The following MLLT3 variants were observed in gnomAD, a reference collection of about 807,000 sequenced individuals.
The protein encoded by MLLT3 is MLLT3 super elongation complex subunit.
MLLT3 carries 4 observed loss-of-function variants against 53.2 expected under a neutral mutation model. The observed-to-expected ratio is 0.08, with a 90% CI of 0.04 to 0.17. The LOEUF (loss-of-function observed/expected upper bound fraction) is 0.17. Among genes scored for constraint, MLLT3 ranks in the 10% least tolerant of loss-of-function variants. MLLT3 has a pLI of 1.00. For missense variants in MLLT3, 569 were observed against 684.0 expected (o/e 0.83, Z 1.87); for synonymous variants, 283 against 230.6 (o/e 1.23, Z -2.06).
chr9:20,487,074 A>G (rs1241235215), intron 2 of MLLT3, among the ~76,000 whole-genome samples: 1 of 152,168 alleles, frequency 6.6e-6, no homozygotes, highest in Non-Finnish European at 1.5e-5. Context: ...TCAATTATTT[A>G]TCCATGTATT....
chr9:20,527,911 C>T (rs1818242333), intron 2 of MLLT3, among the ~76,000 whole-genome samples: 1 of 152,158 alleles, frequency 6.6e-6, no homozygotes, highest in South Asian at 2.1e-4. Flanking sequence ...ACATTTATTA[C>T]ACGGTATCCT....
intron 2 of MLLT3, among the ~76,000 whole-genome samples, chr9:20,547,576 G>T (rs922976621): frequency 1.3e-5 from 2 of 150,920 alleles, no homozygotes; most frequent in Non-Finnish European, 2.9e-5. Flanking sequence ...CCTGGGAGGC[G>T]GAGGTTGCAG....
intron 2 of MLLT3, among the ~76,000 whole-genome samples, chr9:20,602,761 T>TAGATACAC (rs369340965): frequency 1.4e-5 from 2 of 147,184 alleles, no homozygotes; most frequent in Non-Finnish European, 3.0e-5. Flanking sequence ...TTAAGTTTGA[T>TAGATACAC]ACACACACAC....
intron 10 of MLLT3, among the ~76,000 whole-genome samples, chr9:20,347,009 C>T (rs1358845737): frequency 6.7e-6 from 1 of 148,992 alleles, no homozygotes; most frequent in Non-Finnish European, 1.5e-5. Context: ...CACACACACC[C>T]CTATATAAAA....
chr9:20,595,884 G>C (rs1820248903), intron 2 of MLLT3, among the ~76,000 whole-genome samples: 1 of 152,140 alleles, frequency 6.6e-6, no homozygotes, highest in African/African-American at 2.4e-5. Flanking sequence ...TCTCTACCTA[G>C]CTCTGTCCAA....
chr9:20,614,456 G>A (rs1238260278), intron 2 of MLLT3, among the ~76,000 whole-genome samples: 4 of 151,716 alleles, frequency 2.6e-5, no homozygotes, highest in Non-Finnish European at 4.4e-5. Context: ...AGGCAGGCAC[G>A]CACATAGTAG....
intron 2 of MLLT3, among the ~76,000 whole-genome samples, chr9:20,475,915 T>A (rs1385999780): frequency 1.3e-5 from 2 of 152,174 alleles, no homozygotes; most frequent in Non-Finnish European, 2.9e-5. Flanking sequence ...ATTGTCCTAC[T>A]GAAACAAACT....
chr9:20,440,377 T>G (rs150748910), intron 4 of MLLT3, among the ~76,000 whole-genome samples: 268 of 152,328 alleles, frequency 1.8e-3, no homozygotes, highest in African/African-American at 4.4e-3. Flanking sequence ...CTCAGACATT[T>G]GTTTCTTAAA....
At chr9:20,541,327 T>C (rs1397166448) in intron 2 of MLLT3, among the ~76,000 whole-genome samples, 1 of 152,220 alleles carries the variant, frequency 6.6e-6, no homozygotes, top group Non-Finnish European at 1.5e-5. Flanking sequence ...CAGGTATCTT[T>C]ACAGCAGTGC....
At chr9:20,541,386 T>C (rs1286185899) in intron 2 of MLLT3, among the ~76,000 whole-genome samples, 1 of 152,180 alleles carries the variant, frequency 6.6e-6, no homozygotes, top group Non-Finnish European at 1.5e-5. Flanking sequence ...TGCACTGCAA[T>C]GAAGAACTAC....
At chr9:20,346,650 C>A in intron 10 of MLLT3, 76 bp from the exon 11 acceptor site, 1 of 1,387,734 alleles carries the variant, frequency 7.2e-7, no homozygotes, top group Non-Finnish European at 9.9e-7. Context: ...AATGGAGGGG[C>A]GATCAAATAT....
chr9:20,598,994 G>A (rs930138808), intron 2 of MLLT3, among the ~76,000 whole-genome samples: 2 of 152,140 alleles, frequency 1.3e-5, no homozygotes, highest in Admixed American at 1.3e-4. Context: ...GTATCCAGAG[G>A]ACTCAAATCA....
At chr9:20,525,376 A>C (rs755452847) in intron 2 of MLLT3, among the ~76,000 whole-genome samples, 1 of 152,102 alleles carries the variant, frequency 6.6e-6, no homozygotes, top group Admixed American at 6.5e-5. Context: ...TGCACATGTA[A>C]TCCCAGCTAC....
chr9:20,470,186 C>T (rs899014211), intron 2 of MLLT3, among the ~76,000 whole-genome samples: 4 of 149,192 alleles, frequency 2.7e-5, no homozygotes, highest in Non-Finnish European at 5.9e-5. Context: ...TGTACACATA[C>T]TACCTTCAAA....
At chr9:20,470,489 G>T (rs1824361312) in intron 2 of MLLT3, among the ~76,000 whole-genome samples, 2 of 151,944 alleles carry the variant, frequency 1.3e-5, no homozygotes, top group South Asian at 2.1e-4. Flanking sequence ...ATCAGCTAAT[G>T]AACTAAGTAA....
At chr9:20,433,083 T>C (rs1179730671) in intron 4 of MLLT3, among the ~76,000 whole-genome samples, 1 of 151,910 alleles carries the variant, frequency 6.6e-6, no homozygotes, top group African/African-American at 2.4e-5. Context: ...AAAGCTCTTA[T>C]GTCGGGCCAA....
intron 2 of MLLT3, among the ~76,000 whole-genome samples, chr9:20,551,967 C>A (rs1563813857): frequency 6.6e-6 from 1 of 152,178 alleles, no homozygotes; most frequent in African/African-American, 2.4e-5. Flanking sequence ...CTGATAAAAT[C>A]AACAATTACA....
intron 3 of MLLT3, among the ~76,000 whole-genome samples, chr9:20,450,722 T>C (rs1002460336): frequency 1.3e-5 from 2 of 152,232 alleles, no homozygotes; most frequent in African/African-American, 2.4e-5. Context: ...CAATATAATC[T>C]GAATTAGATG....
chr9:20,619,268 T>G (rs1820924756), intron 2 of MLLT3, among the ~76,000 whole-genome samples: 2 of 152,254 alleles, frequency 1.3e-5, no homozygotes, highest in Admixed American at 1.3e-4. Flanking sequence ...AAACTGGATT[T>G]ATTTATTAAC....
Sources: gnomAD v4.1 joint callset for allele counts (sites outside exome capture counted in the v4.1 genomes callset) on GRCh38, gnomAD v4.1.1 for gene constraint, MANE v1.5 for transcripts, NCBI Gene and HGNC (gene_info 2026-07-23, HGNC 2026-07-21) for gene names.